Variants in NOL4L observed in about 807,000 individuals in gnomAD.
NOL4L encodes nucleolar protein 4 like, also known as nucleolar protein 4-like.
Under a neutral mutation model 64.5 loss-of-function variants are expected in NOL4L, and 7 were observed. That is an observed-to-expected ratio of 0.11 (90% CI 0.06 to 0.20). NOL4L has a LOEUF of 0.20. Ranked by LOEUF, NOL4L falls within the 10% of genes least tolerant of loss-of-function variation. The pLI is 1.00. For missense variants in NOL4L, 680 were observed against 967.1 expected, an observed-to-expected ratio of 0.70 and a Z score of 3.94; for synonymous variants, 413 against 401.0, an observed-to-expected ratio of 1.03 and a Z score of -0.36.
At chr20:32,528,054 A>G in intron 1 of NOL4L, 141 bp from the exon 2 acceptor site, 3 of 268,526 alleles carry the variant, frequency 1.1e-5, no homozygotes, top group African/African-American at 2.3e-5. Flanking sequence ...GAGCCTACCG[A>G]GGGGGCTCCC....
At chr20:32,462,098 G>A (rs2014124084) in intron 5 of NOL4L, among the ~76,000 whole-genome samples, 1 of 152,158 alleles carries the variant, frequency 6.6e-6, no homozygotes, top group South Asian at 2.1e-4. Flanking sequence ...TGGCTGGGAA[G>A]GTGCTCTCTA....
intron 1 of NOL4L, among the ~76,000 whole-genome samples, chr20:32,574,157 T>G (rs1979937843): frequency 6.6e-6 from 1 of 152,216 alleles, no homozygotes; most frequent in Non-Finnish European, 1.5e-5. Context: ...GGGATCCAAA[T>G]GCAGGACTGT....
intron 4 of NOL4L, chr20:32,483,522 G>T: frequency 1.0e-6 from 1 of 983,262 alleles, no homozygotes; most frequent in South Asian, 4.6e-5. Flanking sequence ...TGCCCGGCCC[G>T]GGGGCGGGGG....
chr20:32,557,035 G>A (rs569936109), intron 1 of NOL4L, among the ~76,000 whole-genome samples: 6 of 152,262 alleles, frequency 3.9e-5, no homozygotes, highest in East Asian at 3.9e-4. Flanking sequence ...AAGGAACTCC[G>A]TCTCCTTAGG....
chr20:32,564,480 T>C (rs1297073807), intron 1 of NOL4L, among the ~76,000 whole-genome samples: 1 of 152,240 alleles, frequency 6.6e-6, no homozygotes, highest in African/African-American at 2.4e-5. Context: ...TCAGCCCATC[T>C]CGCTGCTGAG....
intron 5 of NOL4L, among the ~76,000 whole-genome samples, chr20:32,474,097 C>T (rs937699133): frequency 9.9e-5 from 15 of 152,264 alleles, no homozygotes; most frequent in African/African-American, 1.9e-4. Flanking sequence ...GGGAAGAATC[C>T]GGACAGCTCC....
intron 5 of NOL4L, among the ~76,000 whole-genome samples, chr20:32,466,159 G>A (rs1218088416): frequency 2.0e-5 from 3 of 152,096 alleles, no homozygotes; most frequent in South Asian, 2.1e-4. Context: ...GTAGAAGTGG[G>A]GTTTTGCCAT....
rs6141740 is a variant in NOL4L, at chr20:32,512,636, T to C, written c.590-1180A>G. 5.9e-5 allele frequency among the ~76,000 whole-genome samples: 9 copies of C among 152,368 alleles called. No individual in the cohort carries two copies. The East Asian group carries it at 1.7e-3, about 29-fold the overall frequency. ...TCTGTTTATTTTTTCCCTGTGATTTTTCTTTTTTACACATGATCTCATAAT... is the reference window on the plus strand; with the variant it reads ...TCTGTTTATTTTTTCCCTGTGATTTCTCTTTTTTACACATGATCTCATAAT... On this transcript the variant is annotated intron_variant, in intron 3 of 10. Transcript: ENST00000621426.
At chr20:32,551,630 CA>C (rs1253200746) in intron 1 of NOL4L, among the ~76,000 whole-genome samples, 1 of 151,714 alleles carries the variant, frequency 6.6e-6, no homozygotes, top group African/African-American at 2.4e-5. Flanking sequence ...AGACAGAAAG[CA>C]CAGTAGTGGT....
chr20:32,510,468 T>C (rs1434403147), intron 4 of NOL4L: 1 of 173,756 alleles, frequency 5.8e-6, no homozygotes, highest in Admixed American at 5.6e-5. Context: ...CATGCTGGGG[T>C]TGTCAAGGAG....
rs372773316 is a variant in NOL4L at position 32,497,686 on chromosome 20, G to A, written c.699+13661C>T. 7.2e-5 allele frequency among the ~76,000 whole-genome samples: 11 copies of A among 152,302 alleles called. No homozygotes were observed. In the East Asian group the frequency reaches 7.7e-4, roughly 11 times the overall value. On this transcript the variant is annotated intron_variant, in intron 4 of 10. Coordinates refer to ENST00000621426, the MANE Select transcript of NOL4L (RefSeq NM_001256798.2). Reference sequence around the variant, plus strand: ...CCATCAGTACAGGGACCATCTGGATGTTTTGAGCTGCTCCTTCCTGGCCCA... The same window carrying A: ...CCATCAGTACAGGGACCATCTGGATATTTTGAGCTGCTCCTTCCTGGCCCA...
chr20:32,487,981 G>T (rs1297203146), intron 4 of NOL4L, among the ~76,000 whole-genome samples: 1 of 150,972 alleles, frequency 6.6e-6, no homozygotes, highest in African/African-American at 2.5e-5. Flanking sequence ...CTAGGCTGGA[G>T]TGCAGTGGCA....
At chr20:32,461,150 G>A (rs572429964) in intron 5 of NOL4L, among the ~76,000 whole-genome samples, 9 of 152,320 alleles carry the variant, frequency 5.9e-5, no homozygotes, top group African/African-American at 1.4e-4. Context: ...ATTTGATGCC[G>A]GCTGCAGCCG....
chr20:32,538,932 T>C (rs2018605935), intron 1 of NOL4L, among the ~76,000 whole-genome samples: 1 of 150,520 alleles, frequency 6.6e-6, no homozygotes, highest in Non-Finnish European at 1.5e-5. Context: ...CAAACCGAGC[T>C]TCAAATCAGC....
Position 32,446,021 on chromosome 20 carries a change from C to G in NOL4L, c.*1575G>C, listed in dbSNP as rs553910174. ...CTCCGTGGCCATCCTAGGATCCACT[C>G]GGCCCTGGCTCCCCTGGGGCCTCTC... On this transcript the variant is annotated 3_prime_UTR_variant, in exon 11 of 11. Coordinates refer to ENST00000621426, the MANE Select transcript of NOL4L (RefSeq NM_001256798.2). 2 of 152,226 alleles carry G rather than the reference C, an allele frequency of 1.3e-5. No homozygotes were observed. Among genetic ancestry groups the G allele is most frequent in the South Asian group, 2.1e-4 (1 of 4,836 alleles). 9.4% of individuals were successfully genotyped at this position (152,226 alleles called of 1,614,324 possible).
At chr20:32,476,509 G>C (rs1488908736) in intron 4 of NOL4L, among the ~76,000 whole-genome samples, 1 of 152,240 alleles carries the variant, frequency 6.6e-6, no homozygotes, top group Non-Finnish European at 1.5e-5. Flanking sequence ...GGTTTGACCT[G>C]AAGTCACAGC....
Position 32,464,994 on chromosome 20 carries a change from G to C in NOL4L, c.842-8599C>G, listed in dbSNP as rs1029036915. The C allele has an allele frequency of 2.3e-5, 14 of 609,476 alleles. No individual in the cohort carries two copies. The highest frequency in any genetic ancestry group is 2.5e-4 in the Middle Eastern group (1 of 3,940). The allele number at this position is 609,476 out of a possible 1,614,324, so 37.8% of individuals were successfully genotyped here. A position where few individuals can be genotyped will look rare whatever the true frequency, so the allele number is the denominator to read the frequency against. ...TAATGAATTAGACGTCACACACCTA[G>C]ATCTTCCCCTAAAACTGAAATCATT... On this transcript the variant is annotated intron_variant, in intron 5 of 10. Coordinates refer to ENST00000621426, the MANE Select transcript of NOL4L (RefSeq NM_001256798.2). This position sits in a 1 kb window ranked among gnomAD's most constrained non-coding sequence, Gnocchi z 5.6.
chr20:32,501,858 G>C (rs566853895), intron 4 of NOL4L, among the ~76,000 whole-genome samples: 3 of 152,132 alleles, frequency 2.0e-5, no homozygotes, highest in Non-Finnish European at 4.4e-5. Flanking sequence ...AGAGAGCTAC[G>C]GATGGGGAAA....
rs757395099 is a variant in NOL4L, at chr20:32,453,720, G to A, written c.1161C>T (p.Thr387=). 2.4e-5 allele frequency: 37 copies of A among 1,557,052 alleles called. No homozygotes were observed. Among genetic ancestry groups the A allele is most frequent in the South Asian group, 9.5e-5 (8 of 84,652 alleles). Residue 387 remains threonine, a synonymous_variant, in exon 7 of 11, where the codon ACC becomes ACT. Transcript: ENST00000621426. This position sits in a 1 kb window ranked among gnomAD's most constrained non-coding sequence, Gnocchi z 5.6. ...YSSGSYDSIK[T]EVSGCPEDLT... Reference sequence around the variant, plus strand: ...GGTCCTCAGGGCAGCCGCTGACCTCGGTCTTGATGGAATCGTAGCTCCCAG... The same window carrying A: ...GGTCCTCAGGGCAGCCGCTGACCTCAGTCTTGATGGAATCGTAGCTCCCAG...
Sources: allele counts gnomAD v4.1 joint callset (sites outside exome capture counted in the v4.1 genomes callset), GRCh38; gene constraint gnomAD v4.1.1; non-coding constraint Gnocchi (gnomAD v3.1); transcripts MANE v1.5; gene names NCBI Gene and HGNC (gene_info 2026-07-23, HGNC 2026-07-21).